The following KSR2 variants were observed in gnomAD, a reference collection of about 807,000 sequenced individuals.
KSR2 encodes kinase suppressor of ras 2.
A neutral mutation model predicts 107.8 loss-of-function variants in KSR2; 25 were observed. The observed-to-expected ratio is 0.23, with a 90% CI of 0.17 to 0.32. KSR2 has a LOEUF of 0.32. Ranked by LOEUF, KSR2 falls within the 10% of genes least tolerant of loss-of-function variation. The pLI is 1.00. For synonymous variants in KSR2, 480 were observed against 507.0 expected, an observed-to-expected ratio of 0.95 and a Z score of 0.71; for missense variants, 887 against 1,268.9, an observed-to-expected ratio of 0.70 and a Z score of 4.57.
chr12:117,524,995 C>T lies in KSR2; in HGVS notation c.2076G>A (p.Arg692=). ...CGTTGTCCCTCTCAATGTCAATCAG[C>T]CGGATGGCCACCTCGCCATGCCAGC... ...HGRWHGEVAI[R]LIDIERDNED... Residue 692 remains arginine, a synonymous_variant, in exon 14 of 20, where the codon CGG becomes CGA. Transcript: ENST00000339824. 1 of 1,613,928 alleles carries T rather than the reference C, an allele frequency of 6.2e-7. No homozygotes were observed.
intron 4 of KSR2, among the ~76,000 whole-genome samples, chr12:117,749,253 A>G (rs1185596566): frequency 6.6e-6 from 1 of 151,426 alleles, no homozygotes; most frequent in East Asian, 2.0e-4. Context: ...GCTAGGGAGT[A>G]TAAGGGGACC....
Position 117,740,412 on chromosome 12 carries a change from ATATAT to A in KSR2, c.986+20594_986+20598del, listed in dbSNP as rs571877125. On this transcript the variant is annotated intron_variant, in intron 4 of 19. Coordinates refer to ENST00000339824, the MANE Select transcript of KSR2 (RefSeq NM_173598.6). ...CATATATAATATATGTACTATATAC[ATATAT>A]TATATATGTTATATATTACATTAAT... 1.9e-4 allele frequency among the ~76,000 whole-genome samples: 25 copies of A among 132,722 alleles called. 2 individuals are homozygous for A. Among genetic ancestry groups the A allele is most frequent in the African/African-American group, 4.0e-4 (15 of 37,518 alleles). The allele number at this position is 132,722 out of a possible 152,430, so 87.1% of individuals were successfully genotyped here.
chr12:117,572,166 G>A (rs1173403713), intron 7 of KSR2, among the ~76,000 whole-genome samples: 2 of 152,090 alleles, frequency 1.3e-5, no homozygotes, highest in African/African-American at 2.4e-5. Context: ...CTGTTTCCTC[G>A]GCCCAGAGCA....
rs149031811 is a variant in KSR2 at position 117,808,960 on chromosome 12, A to C, written c.472+46468T>G. Among the ~76,000 whole-genome samples the C allele has an allele frequency of 3.4e-3, 515 of 151,962 alleles. 2 individuals are homozygous for C. The highest frequency in any genetic ancestry group is 0.012 in the African/African-American group (489 of 41,438). ...TTTCCCCTCCCCTTCTCCCCAGTCT[A>C]CCTTCTGGGTGTCAATATCCAGGGC... is the stretch of plus-strand genomic sequence containing the variant. On this transcript the variant is annotated intron_variant, in intron 3 of 19. Transcript: ENST00000339824.
At position 117,761,229 on chromosome 12, in the gene KSR2, G is replaced by A. The variant is rs1398047585; in HGVS notation, c.768C>T (p.His256=). ...RSLPPSPRQR[H]AVRTPPRTPN... is the part of the protein sequence containing the mutation. Reference sequence around the variant, plus strand: ...GGGTGCGCGGCGGGGTGCGGACCGCGTGCCGCTGCCGGGGCGATGGGGGCA... The same window carrying A: ...GGGTGCGCGGCGGGGTGCGGACCGCATGCCGCTGCCGGGGCGATGGGGGCA... Residue 256 remains histidine (H), a synonymous_variant, in exon 4 of 20, where the codon CAC becomes CAT. Transcript: ENST00000339824. The A allele has an allele frequency of 2.6e-6, 4 of 1,545,894 alleles. No homozygotes were observed. Among genetic ancestry groups the A allele is most frequent in the East Asian group, 2.3e-5 (1 of 44,028 alleles).
intron 14 of KSR2, among the ~76,000 whole-genome samples, chr12:117,502,154 C>T (rs149921036): frequency 2.6e-5 from 4 of 152,200 alleles, no homozygotes; most frequent in East Asian, 1.9e-4. Flanking sequence ...TGTATGTCTG[C>T]GTCTGTGACT....
chr12:117,678,081 T>G (rs1008336918), intron 4 of KSR2, among the ~76,000 whole-genome samples: 1 of 151,204 alleles, frequency 6.6e-6, no homozygotes, highest in Non-Finnish European at 1.5e-5. Context: ...ATTATAGGCA[T>G]GTGCCACCAA....
intron 3 of KSR2, among the ~76,000 whole-genome samples, chr12:117,792,878 C>A (rs1411107740): frequency 2.0e-5 from 3 of 152,006 alleles, no homozygotes; most frequent in South Asian, 4.1e-4. Flanking sequence ...CACCAACATG[C>A]ACACACACAC....
At chr12:117,539,674 C>T in intron 10 of KSR2, 45 bp downstream of exon 10, 1 of 1,530,158 alleles carries the variant, frequency 6.5e-7, no homozygotes, top group East Asian at 2.4e-5. Flanking sequence ...TAATCTCTGC[C>T]CCTCCAACGC....
intron 3 of KSR2, among the ~76,000 whole-genome samples, chr12:117,838,191 G>A (rs566694502): frequency 3.3e-5 from 5 of 152,316 alleles, no homozygotes; most frequent in East Asian, 1.9e-4. Flanking sequence ...TTTTTGAGAC[G>A]GAGTCTCGCA....
chr12:117,948,324 C>A (rs540823319), intron 1 of KSR2, among the ~76,000 whole-genome samples: 1 of 151,910 alleles, frequency 6.6e-6, no homozygotes, highest in Non-Finnish European at 1.5e-5. Context: ...CCCCTCTCTA[C>A]TAAAAATACA....
rs955716403 is a variant in KSR2, at chr12:117,601,633, AC to A, written c.1172-19275del. On this transcript the variant is annotated intron_variant, in intron 5 of 19. Transcript: ENST00000339824. ...CAGAAGCTGGGAGAGGCAAGGAAGG[AC>A]CCCCCCCTAGAGCCTTCGGAGAGAG... is the stretch of plus-strand genomic sequence containing the variant. 8.5e-4 allele frequency among the ~76,000 whole-genome samples: 129 copies of A among 151,816 alleles called. No individual in the cohort carries two copies. In the East Asian group the frequency reaches 9.1e-3, roughly 11 times the overall value.
At chr12:117,709,603 C>T (rs1413810346) in intron 4 of KSR2, among the ~76,000 whole-genome samples, 2 of 152,210 alleles carry the variant, frequency 1.3e-5, no homozygotes, top group Non-Finnish European at 2.9e-5. Context: ...CAGACATGAG[C>T]CACTGTGCCT....
At chr12:117,626,370 C>T (rs1306036702) in intron 5 of KSR2, among the ~76,000 whole-genome samples, 2 of 152,176 alleles carry the variant, frequency 1.3e-5, no homozygotes, top group East Asian at 1.9e-4. Context: ...CTACACATTG[C>T]TTTAAATGTG....
intron 5 of KSR2, among the ~76,000 whole-genome samples, chr12:117,613,837 A>G (rs1881732381): frequency 6.6e-6 from 1 of 152,180 alleles, no homozygotes; most frequent in South Asian, 2.1e-4. Context: ...GTAATGCATC[A>G]TCTTGCACGG....
intron 3 of KSR2, among the ~76,000 whole-genome samples, chr12:117,848,839 T>TACAAC (rs1353124322): frequency 1.5e-4 from 14 of 90,490 alleles, no homozygotes; most frequent in Admixed American, 2.7e-4. Context: ...GTGGTAGTGG[T>TACAAC]GGTGATGGTG....
chr12:117,551,744 G>A (rs535118263), intron 9 of KSR2, among the ~76,000 whole-genome samples: 3 of 152,302 alleles, frequency 2.0e-5, no homozygotes, highest in East Asian at 3.9e-4. Context: ...TGAAGCCAGC[G>A]AGAAGGGAAA....
chr12:117,606,355 C>T (rs1881233931), intron 5 of KSR2, among the ~76,000 whole-genome samples: 1 of 100,408 alleles, frequency 1.0e-5, no homozygotes, highest in African/African-American at 3.8e-5. Flanking sequence ...CTTCCTCCCT[C>T]CCTCCCCTCC....
chr12:117,539,095 T>G (rs767464838), intron 10 of KSR2, among the ~76,000 whole-genome samples: 16 of 152,192 alleles, frequency 1.1e-4, no homozygotes, highest in Non-Finnish European at 1.8e-4. Context: ...TGGTCAACAG[T>G]CCAGGTACCT....
Sources: allele counts gnomAD v4.1 joint callset (sites outside exome capture counted in the v4.1 genomes callset), GRCh38; gene constraint gnomAD v4.1.1; transcripts MANE v1.5; gene names NCBI Gene and HGNC (gene_info 2026-07-23, HGNC 2026-07-21).